ZNF568: variants seen among roughly 807,000 people sequenced by gnomAD.
ZNF568 encodes p53 inhibitor of SCO2 activation.
A neutral mutation model predicts 18.1 loss-of-function variants in ZNF568; 11 were observed. The ratio of observed to expected loss-of-function variants is 0.61; its 90% CI spans 0.38 to 1.00. The LOEUF is 1.00. ZNF568 is among the 50% of genes least tolerant of loss of function. The pLI, the probability that ZNF568 is intolerant of heterozygous loss-of-function variation, is 0.01. For missense variants in ZNF568, 639 were observed against 768.2 expected (o/e 0.83, Z 1.99); for synonymous variants, 213 against 246.6 (o/e 0.86, Z 1.28).
At chr19:36,960,319 T>C (rs1032835580) in intron 6 of ZNF568, among the ~76,000 whole-genome samples, 1 of 151,816 alleles carries the variant, frequency 6.6e-6, no homozygotes, top group Non-Finnish European at 1.5e-5. Flanking sequence ...GGTTTCACCA[T>C]GTTGGCCAGG....
chr19:36,954,735 A>AT (rs5827970), downstream of ZNF568, among the ~76,000 whole-genome samples: 31,241 of 142,934 alleles, frequency 0.22, 3,262 homozygotes, highest in South Asian at 0.29. Context: ...TGCCTGGCTA[A>AT]TTTTTTTTTT....
chr19:36,924,808 A>G (rs1275757192), intron 3 of ZNF568, among the ~76,000 whole-genome samples: 10 of 150,860 alleles, frequency 6.6e-5, no homozygotes, highest in Non-Finnish European at 1.2e-4. Flanking sequence ...TCCAGCCTGG[A>G]CGGCAGAGTG....
At chr19:36,996,334 G>A in exon 5 of ZNF568, 1 of 1,530,230 alleles carries the variant, frequency 6.5e-7, no homozygotes. Context: ...GTTTGGAAGA[G>A]AAACCAAGAA....
chr19:36,974,464 G>A, exon 7 of ZNF568: 1 of 1,536,114 alleles, frequency 6.5e-7, no homozygotes, highest in Non-Finnish European at 8.7e-7. Flanking sequence ...AGTGATGGCG[G>A]AGGTAAGTTG....
At chr19:36,936,517 T>C (rs1294824510) in intron 4 of ZNF568, 1 of 318,124 alleles carries the variant, frequency 3.1e-6, no homozygotes. Flanking sequence ...GCCTCTTACA[T>C]TTATTTTACC....
At chr19:36,960,365 G>A (rs1200594949) in intron 6 of ZNF568, among the ~76,000 whole-genome samples, 1 of 151,802 alleles carries the variant, frequency 6.6e-6, no homozygotes, top group South Asian at 2.1e-4. Flanking sequence ...TGATCCACCC[G>A]CCTCGGCCTC....
chr19:36,948,286 T>G (rs1470495405), intron 6 of ZNF568, among the ~76,000 whole-genome samples: 1 of 152,216 alleles, frequency 6.6e-6, no homozygotes, highest in Non-Finnish European at 1.5e-5. Context: ...TTCCTCCATG[T>G]CTTTTCATAA....
In ZNF568 at chr19:36,937,133, A is replaced by C. The variant is rs145913579; in HGVS notation, c.263-14A>C. 6.2e-7 allele frequency: 1 copy of C among 1,612,218 alleles called. No homozygotes were observed. The highest frequency in any genetic ancestry group is 2.2e-5 in the East Asian group (1 of 44,854). On this transcript the variant is annotated splice_polypyrimidine_tract_variant and intron_variant, in intron 5 of 6. Coordinates refer to ENST00000333987, the MANE Select transcript of ZNF568 (RefSeq NM_198539.4). ...AGCATTGACATCCACATCCTTTGCT[A>C]TTTCTTGTAATAGGCTGTCAAGTCA...
intron 2 of ZNF568, among the ~76,000 whole-genome samples, chr19:36,918,107 C>T (rs185371104): frequency 6.6e-6 from 1 of 152,248 alleles, no homozygotes; most frequent in East Asian, 1.9e-4. Context: ...CCACCACGCC[C>T]GGCTGATTTT....
intron 7 of ZNF568, among the ~76,000 whole-genome samples, chr19:36,977,302 T>C (rs1282329001): frequency 6.6e-6 from 1 of 152,240 alleles, no homozygotes; most frequent in Non-Finnish European, 1.5e-5. Flanking sequence ...GAATGTTGGC[T>C]ATAAAATTCC....
At chr19:36,918,475 A>C (rs549773106) in intron 2 of ZNF568, among the ~76,000 whole-genome samples, 45 of 152,294 alleles carry the variant, frequency 3.0e-4, no homozygotes, top group African/African-American at 1.0e-3. Context: ...TTTAGGGAAT[A>C]ATGAGAAAAA....
intron 6 of ZNF568, among the ~76,000 whole-genome samples, chr19:36,961,728 G>A (rs1374407818): frequency 6.6e-6 from 1 of 152,040 alleles, no homozygotes; most frequent in African/African-American, 2.4e-5. Context: ...GTGCCATATT[G>A]GCCAGGCTGG....
intron 6 of ZNF568, among the ~76,000 whole-genome samples, chr19:36,958,494 TTG>T: frequency 6.6e-6 from 1 of 152,204 alleles, no homozygotes; most frequent in East Asian, 1.9e-4. Flanking sequence ...TTTTGACAGA[TTG>T]TGTCTTTCAA....
chr19:36,961,000 G>C (rs1568398860), intron 6 of ZNF568, among the ~76,000 whole-genome samples: 1 of 152,110 alleles, frequency 6.6e-6, no homozygotes, highest in Non-Finnish European at 1.5e-5. Context: ...GTCTGCATCT[G>C]TTGGGTGAAA....
At chr19:36,970,551 G>T (rs2074228485) in intron 6 of ZNF568, among the ~76,000 whole-genome samples, 1 of 151,608 alleles carries the variant, frequency 6.6e-6, no homozygotes, top group Admixed American at 6.6e-5. Context: ...GCCGAGGCTG[G>T]TCTCAAACTC....
chr19:36,945,208 GAAGTGT>G (rs1269380155), intron 6 of ZNF568, among the ~76,000 whole-genome samples: 1 of 124,448 alleles, frequency 8.0e-6, no homozygotes, highest in Non-Finnish European at 1.7e-5. Flanking sequence ...GACAGAGAGA[GAAGTGT>G]GTGTGTGTGT....
At chr19:36,990,037 T>C (rs529617541) in intron 2 of ZNF568, among the ~76,000 whole-genome samples, 10 of 152,330 alleles carry the variant, frequency 6.6e-5, no homozygotes, top group African/African-American at 2.4e-4. Context: ...TGTTGATTTA[T>C]TGTGTTGCAG....
chr19:36,996,547 G>A, exon 5 of ZNF568: 1 of 1,536,036 alleles, frequency 6.5e-7, no homozygotes, highest in Non-Finnish European at 8.7e-7. Context: ...GAAATCCTGT[G>A]AATGCAGGAA....
intron 4 of ZNF568, among the ~76,000 whole-genome samples, chr19:36,933,395 T>C (rs2073721653): frequency 6.9e-6 from 1 of 144,438 alleles, no homozygotes; most frequent in Non-Finnish European, 1.5e-5. Context: ...TGCTAATTTG[T>C]TGGATGTTGG....
Sources: gnomAD v4.1 joint callset for allele counts (sites outside exome capture counted in the v4.1 genomes callset) on GRCh38, gnomAD v4.1.1 for gene constraint, MANE v1.5 for transcripts, NCBI Gene and HGNC (gene_info 2026-07-23, HGNC 2026-07-21) for gene names.